YARS1: variants seen among roughly 807,000 people sequenced by gnomAD.
YARS1 encodes tyrosine--tRNA ligase, cytoplasmic.
A neutral mutation model predicts 62.2 loss-of-function variants in YARS1; 36 were observed. That is an observed-to-expected ratio of 0.58 (90% CI 0.44 to 0.76). The LOEUF is 0.76. YARS1 is among the 30% of genes least tolerant of loss of function. The pLI is 0.00. For missense variants in YARS1, 524 were observed against 639.8 expected (o/e 0.82, Z 1.95); for synonymous variants, 234 against 244.9 (o/e 0.96, Z 0.42).
intron 5 of YARS1, among the ~76,000 whole-genome samples, chr1:32,797,023 T>A (rs1167562215): frequency 1.1e-3 from 52 of 47,336 alleles, no homozygotes; most frequent in Non-Finnish European, 1.7e-3. Context: ...TATATATATA[T>A]ATATATATAT....
At position 32,811,013 on chromosome 1, in the gene YARS1, C is replaced by T. The variant is rs779620591; in HGVS notation, c.102G>A (p.Arg34=). ...CCGTTCCCCAGTAAATTTTAAGTTC[C>T]CGCTCCTTCAGTATCTCCTTCAGCT... is the stretch of plus-strand genomic sequence containing the variant. The part of the protein sequence containing the change: ...EEKLKEILKE[R]ELKIYWGTAT... Residue 34 remains arginine (R), a synonymous_variant, in exon 2 of 13, where the codon CGG becomes CGA. Transcript: ENST00000373477. 1.3e-5 allele frequency: 21 copies of T among 1,614,050 alleles called. No individual in the cohort carries two copies. The highest frequency in any genetic ancestry group is 1.8e-5 in the Non-Finnish European group (21 of 1,180,054).
intron 1 of YARS1, among the ~76,000 whole-genome samples, chr1:32,812,758 A>G (rs1444020226): frequency 6.6e-6 from 1 of 152,100 alleles, no homozygotes; most frequent in East Asian, 1.9e-4. Flanking sequence ...AGATCATCAG[A>G]TCAGGGGTCG....
At chr1:32,784,556 C>T (rs905248056) in intron 8 of YARS1, among the ~76,000 whole-genome samples, 1 of 152,110 alleles carries the variant, frequency 6.6e-6, no homozygotes, top group Admixed American at 6.6e-5. Flanking sequence ...CTTATTCCCT[C>T]ACAGATTTCC....
intron 10 of YARS1, 62 bp from the exon 11 acceptor site, chr1:32,780,340 A>C: frequency 1.3e-6 from 2 of 1,599,262 alleles, no homozygotes; most frequent in Non-Finnish European, 1.7e-6. Flanking sequence ...AGCCTGGTGA[A>C]CTCTTGGATT....
rs1486669985 is a variant in YARS1, at chr1:32,776,706, C to T, written c.1477-615G>A. 6.6e-6 allele frequency among the ~76,000 whole-genome samples: 1 copy of T among 152,112 alleles called. No homozygotes were observed. Among genetic ancestry groups the T allele is most frequent in the East Asian group, 1.9e-4 (1 of 5,142 alleles). ...AGATTGCCGGGCGTGGTGGCTCACACCTATAATCCCAGCATTTCGGGAGGC... is the reference window on the plus strand; with the variant it reads ...AGATTGCCGGGCGTGGTGGCTCACATCTATAATCCCAGCATTTCGGGAGGC... On this transcript the variant is annotated intron_variant, in intron 12 of 12. Coordinates refer to ENST00000373477, the MANE Select transcript of YARS1 (RefSeq NM_003680.4). This position sits in a 1 kb window ranked among gnomAD's most constrained non-coding sequence, Gnocchi z 4.0.
intron 6 of YARS1, among the ~76,000 whole-genome samples, chr1:32,790,004 C>T (rs1471630738): frequency 6.6e-6 from 1 of 151,376 alleles, no homozygotes; most frequent in Non-Finnish European, 1.5e-5. Flanking sequence ...CTGCCTCAGC[C>T]TCCCTAGTAG....
Position 32,779,304 on chromosome 1 carries a change from A to T in YARS1, c.1476+78T>A, listed in dbSNP as rs1652979063. The stretch of plus-strand genomic sequence containing the variant: ...GAAGTCCCAACAGAGAGGGGCAGCT[A>T]TGGCTTCAGTAACAGGACAGTCTGG... On this transcript the variant is annotated intron_variant, in intron 12 of 12. Transcript: ENST00000373477. 3 of 1,610,808 alleles carry T rather than the reference A, an allele frequency of 1.9e-6. No homozygotes were observed. In the African/African-American group the frequency reaches 4.0e-5, roughly 22 times the overall value.
Position 32,787,073 on chromosome 1 carries a change from C to T in YARS1, c.687G>A (p.Glu229=), listed in dbSNP as rs1180162568. ...TCCGATCAAGGAGATCAATCTTGGA[C>T]TCCTAGAAGTCATAGAACGGAAGAG... ...TGSKMSSSEE[E]SKIDLLDRKE... is the part of the protein sequence containing the mutation. The change falls in exon 7 of 13, where the codon GAG becomes GAA. Residue 229 remains glutamate (E), a splice_region_variant and synonymous_variant. Transcript: ENST00000373477. 6.2e-7 allele frequency: 1 copy of T among 1,613,992 alleles called. No homozygotes were observed. Among genetic ancestry groups the T allele is most frequent in the African/African-American group, 1.3e-5 (1 of 74,926 alleles).
At chr1:32,801,764 T>C (rs2148612223) in intron 4 of YARS1, among the ~76,000 whole-genome samples, 1 of 152,296 alleles carries the variant, frequency 6.6e-6, no homozygotes, top group East Asian at 1.9e-4. Flanking sequence ...TTCAAAATCT[T>C]TTGTTGCCAT....
At chr1:32,804,637 G>T (rs1187986616) in intron 4 of YARS1, among the ~76,000 whole-genome samples, 2 of 151,298 alleles carry the variant, frequency 1.3e-5, no homozygotes, top group African/African-American at 4.9e-5. Context: ...CCCAGACGGG[G>T]CGGCGGGGCA....
intron 7 of YARS1, 166 bp from the exon 8 acceptor site, chr1:32,786,613 C>T (rs1332723077): frequency 2.6e-6 from 2 of 778,098 alleles, no homozygotes; most frequent in African/African-American, 3.4e-5. Context: ...CTATTGTATA[C>T]CCAGCTAGCA....
chr1:32,807,337 C>T (rs1426974795), intron 3 of YARS1, among the ~76,000 whole-genome samples: 3 of 152,190 alleles, frequency 2.0e-5, no homozygotes, highest in African/African-American at 4.8e-5. Flanking sequence ...TTCAAGTGGC[C>T]GGGCAGCCAA....
intron 8 of YARS1, among the ~76,000 whole-genome samples, chr1:32,784,809 G>A (rs561118011): frequency 7.0e-4 from 107 of 152,194 alleles, no homozygotes; most frequent in Non-Finnish European, 1.2e-3. Context: ...TTACAAGTCT[G>A]CCTCGCCTAC....
chr1:32,788,108 A>G (rs1653297284), intron 6 of YARS1, among the ~76,000 whole-genome samples: 1 of 152,190 alleles, frequency 6.6e-6, no homozygotes, highest in African/African-American at 2.4e-5. Context: ...ACCACTCACA[A>G]TCCTGCCATC....
chr1:32,782,822 G>A, intron 8 of YARS1: 1 of 424,356 alleles, frequency 2.4e-6, no homozygotes, highest in Non-Finnish European at 4.4e-6. Flanking sequence ...CTTAGAGTAG[G>A]GTCACAGACC....
chr1:32,788,992 T>G (rs2148605195), intron 6 of YARS1, among the ~76,000 whole-genome samples: 1 of 152,264 alleles, frequency 6.6e-6, no homozygotes, highest in South Asian at 2.1e-4. Context: ...GCCTAGCTAA[T>G]TTTTAAAATT....
At chr1:32,782,333 A>G (rs183612236) in intron 9 of YARS1, 71 bp downstream of exon 9, 2 of 1,612,646 alleles carry the variant, frequency 1.2e-6, no homozygotes, top group African/African-American at 2.7e-5. Flanking sequence ...AATTTAAGAC[A>G]GGCATTTTTC....
chr1:32,800,571 A>G (rs535973624), intron 4 of YARS1, among the ~76,000 whole-genome samples: 22 of 152,152 alleles, frequency 1.4e-4, no homozygotes, highest in Non-Finnish European at 2.8e-4. Context: ...AACAGTATCA[A>G]CAGCTTGGTT....
intron 6 of YARS1, among the ~76,000 whole-genome samples, chr1:32,788,650 C>T (rs915966907): frequency 9.9e-5 from 15 of 152,022 alleles, no homozygotes; most frequent in Admixed American, 3.3e-4. Context: ...AGGCTGGTGT[C>T]GAACTCCCGA....
Sources: allele counts gnomAD v4.1 joint callset (sites outside exome capture counted in the v4.1 genomes callset), GRCh38; gene constraint gnomAD v4.1.1; non-coding constraint Gnocchi (gnomAD v3.1); transcripts MANE v1.5; gene names NCBI Gene and HGNC (gene_info 2026-07-23, HGNC 2026-07-21).